Variants in UNC79 observed in about 807,000 individuals in gnomAD.
The protein encoded by UNC79 is protein unc-79 homolog.
A neutral mutation model predicts 283.1 loss-of-function variants in UNC79; 37 were observed. The observed-to-expected ratio is 0.13, with a 90% confidence interval of 0.10 to 0.17. UNC79 has a LOEUF of 0.17. UNC79 is among the 10% of genes least tolerant of loss of function. The pLI is 1.00. For missense variants in UNC79, 2,272 were observed against 3,211.1 expected (o/e 0.71, Z 7.07); for synonymous variants, 1,107 against 1,200.2 (o/e 0.92, Z 1.61).
Position 93,467,654 on chromosome 14 carries a change from T to TTTTG in UNC79, c.23-14_23-13insGTTT. 2 of 1,148,458 alleles carry TTTTG rather than the reference T, an allele frequency of 1.7e-6. No individual in the cohort carries two copies. The highest frequency in any genetic ancestry group is 3.5e-5 in the South Asian group (1 of 28,984). 71.1% of individuals were successfully genotyped at this position (1,148,458 alleles called of 1,614,324 possible). A position where few individuals can be genotyped will look rare whatever the true frequency, so the allele number is the denominator to read the frequency against. On this transcript the variant is annotated splice_polypyrimidine_tract_variant and intron_variant, in intron 1 of 48. Transcript: ENST00000555664. ...TTTTTTTTTTTTTTTTTTTTTTTTTTTTTTGCTTTTATCTAGTTGCTTCCA... is the reference window on the plus strand; with the variant it reads ...TTTTTTTTTTTTTTTTTTTTTTTTTTTTTGTTTTGCTTTTATCTAGTTGCTTCCA...
At chr14:93,336,583 C>T (rs138966544) in intron 1 of UNC79, among the ~76,000 whole-genome samples, 19 of 152,212 alleles carry the variant, frequency 1.2e-4, no homozygotes, top group South Asian at 4.1e-4. Context: ...CCTCGTGATC[C>T]GCCCACCTTG....
intron 1 of UNC79, among the ~76,000 whole-genome samples, chr14:93,424,260 T>C (rs2055674810): frequency 6.6e-6 from 1 of 152,140 alleles, no homozygotes; most frequent in African/African-American, 2.4e-5. Context: ...TCATACACTC[T>C]TGGTGGAAAT....
At chr14:93,551,195 G>C (rs1271562149) in intron 14 of UNC79, among the ~76,000 whole-genome samples, 3 of 152,050 alleles carry the variant, frequency 2.0e-5, no homozygotes, top group South Asian at 4.1e-4. Flanking sequence ...GACTACAGGC[G>C]CCCGTCACTA....
chr14:93,582,230 C>T (rs1378786129), exon 20 of UNC79: 1 of 1,614,046 alleles, frequency 6.2e-7, no homozygotes, highest in Admixed American at 1.7e-5. Context: ...GGAGGATAGC[C>T]TCCTTTCTTC....
intron 12 of UNC79, 120 bp from the exon 13 acceptor site, chr14:93,540,539 TC>T: frequency 9.3e-7 from 1 of 1,080,908 alleles, no homozygotes; most frequent in Non-Finnish European, 1.3e-6. Context: ...AACACAGTAC[TC>T]AATTTAAAGA....
chr14:93,615,278 G>T (rs1328441988), intron 27 of UNC79, among the ~76,000 whole-genome samples: 1 of 152,178 alleles, frequency 6.6e-6, no homozygotes, highest in African/African-American at 2.4e-5. Context: ...AGCAACGTGA[G>T]AGCAATGTGC....
intron 1 of UNC79, among the ~76,000 whole-genome samples, chr14:93,339,575 A>C (rs1231801043): frequency 6.6e-6 from 1 of 152,244 alleles, no homozygotes; most frequent in Non-Finnish European, 1.5e-5. Flanking sequence ...CTGGGATTAC[A>C]GGCGTGAGCC....
intron 1 of UNC79, among the ~76,000 whole-genome samples, chr14:93,457,828 G>A (rs954676423): frequency 2.6e-5 from 4 of 152,206 alleles, no homozygotes; most frequent in African/African-American, 9.6e-5. Context: ...GGCTGGAGAA[G>A]AGGGTAGACC....
chr14:93,347,212 A>T, intron 1 of UNC79: 1 of 1,516,904 alleles, frequency 6.6e-7, no homozygotes, highest in South Asian at 1.2e-5. Flanking sequence ...AGCTTGCGTT[A>T]CTTGGCCTCA....
intron 47 of UNC79, among the ~76,000 whole-genome samples, chr14:93,698,320 G>A (rs546167160): frequency 6.6e-6 from 1 of 152,062 alleles, no homozygotes; most frequent in South Asian, 2.1e-4. Context: ...TGAGAAAGGG[G>A]TATTGAAATA....
rs775001263 is a variant in UNC79 at position 93,496,339 on chromosome 14, ATATATG to A, written c.713-66_713-61del. 4 of 984,738 alleles carry A rather than the reference ATATATG, an allele frequency of 4.1e-6. No homozygotes were observed. The South Asian group carries it at 5.5e-5, about 14-fold the overall frequency. 61.0% of individuals were successfully genotyped at this position (984,738 alleles called of 1,614,324 possible). A position where few individuals can be genotyped will look rare whatever the true frequency, so the allele number is the denominator to read the frequency against. ...AAAAGTCATATTGAAGTAATTTCTT[ATATATG>A]TATATCAAAGGATGTTTTGTCTGGT... On this transcript the variant is annotated intron_variant, in intron 5 of 48. Transcript: ENST00000555664.
chr14:93,700,162 T>C (rs182477733), intron 47 of UNC79, among the ~76,000 whole-genome samples: 1 of 144,622 alleles, frequency 6.9e-6, no homozygotes, highest in Admixed American at 6.7e-5. Context: ...GTCATTCTTA[T>C]CTTTTTTGTC....
chr14:93,580,505 A>G (rs1387671925), intron 19 of UNC79, 129 bp downstream of exon 19: 5 of 976,924 alleles, frequency 5.1e-6, no homozygotes, highest in African/African-American at 3.3e-5. Flanking sequence ...CTGTGTTAAA[A>G]GAAACTTTTC....
intron 22 of UNC79, among the ~76,000 whole-genome samples, chr14:93,588,930 G>T (rs1395109328): frequency 6.6e-6 from 1 of 152,012 alleles, no homozygotes; most frequent in Non-Finnish European, 1.5e-5. Flanking sequence ...GATAAATTTT[G>T]AGGCAAAGAG....
intron 1 of UNC79, among the ~76,000 whole-genome samples, chr14:93,398,719 G>T (rs148563492): frequency 1.4e-3 from 209 of 152,308 alleles, no homozygotes; most frequent in African/African-American, 4.8e-3. Context: ...AAACACAGAA[G>T]GGTTTTAGAG....
chr14:93,548,403 C>T (rs1021670084), intron 14 of UNC79, among the ~76,000 whole-genome samples: 37 of 152,188 alleles, frequency 2.4e-4, no homozygotes, highest in African/African-American at 7.0e-4. Flanking sequence ...AAGAACTTTG[C>T]GGGGACACAA....
chr14:93,406,208 AAC>A (rs1207961285), intron 1 of UNC79, among the ~76,000 whole-genome samples: 60 of 152,328 alleles, frequency 3.9e-4, no homozygotes, highest in African/African-American at 1.4e-3. Flanking sequence ...AAAAAAAATT[AAC>A]ACAGCAAATT....
intron 1 of UNC79, among the ~76,000 whole-genome samples, chr14:93,417,527 T>G (rs2055490010): frequency 6.6e-6 from 1 of 152,180 alleles, no homozygotes; most frequent in Non-Finnish European, 1.5e-5. Context: ...GAGGAGTGTC[T>G]TTGTGGCGTT....
At chr14:93,357,715 ATATATG>A (rs1359224945) in intron 1 of UNC79, among the ~76,000 whole-genome samples, 30 of 122,886 alleles carry the variant, frequency 2.4e-4, no homozygotes, top group African/African-American at 7.6e-4. Context: ...ATATATATAT[ATATATG>A]GATATATGGA....
Sources: allele counts gnomAD v4.1 joint callset (sites outside exome capture counted in the v4.1 genomes callset), GRCh38; gene constraint gnomAD v4.1.1; transcripts MANE v1.5; gene names NCBI Gene and HGNC (gene_info 2026-07-23, HGNC 2026-07-21).